The following ERC2 variants were observed in gnomAD, a reference collection of about 807,000 sequenced individuals.
ERC2 encodes the protein ERC protein 2.
In ERC2, 42 loss-of-function variants were observed where a neutral mutation model predicts 114.8. That is an observed-to-expected ratio of 0.37 (90% CI 0.29 to 0.47). The LOEUF (loss-of-function observed/expected upper bound fraction) is 0.47, where lower values mean the gene tolerates loss of function less well. ERC2 is among the 20% of genes least tolerant of loss of function. The pLI, the probability that ERC2 is intolerant of heterozygous loss-of-function variation, is 0.99. For synonymous variants in ERC2, 454 were observed against 425.5 expected (o/e 1.07, Z -0.82); for missense variants, 939 against 1,150.7 (o/e 0.82, Z 2.66).
chr3:56,417,209 A>AT (rs1576856874), intron 2 of ERC2, among the ~76,000 whole-genome samples: 1 of 152,306 alleles, frequency 6.6e-6, no homozygotes, highest in East Asian at 1.9e-4. Flanking sequence ...TTTGGGCAAC[A>AT]TAAGCGTCTG....
At chr3:55,905,932 T>A (rs1393673626) in intron 13 of ERC2, among the ~76,000 whole-genome samples, 1 of 152,180 alleles carries the variant, frequency 6.6e-6, no homozygotes, top group African/African-American at 2.4e-5. Context: ...GTATTCTTCA[T>A]CTCAGCTCCA....
chr3:56,448,494 G>A (rs2062681976), intron 1 of ERC2, among the ~76,000 whole-genome samples: 1 of 152,056 alleles, frequency 6.6e-6, no homozygotes, highest in Non-Finnish European at 1.5e-5. Flanking sequence ...AGGAAGGCCT[G>A]CCCCCCACAC....
chr3:55,970,881 T>G (rs904785976), intron 12 of ERC2, among the ~76,000 whole-genome samples: 2 of 152,140 alleles, frequency 1.3e-5, no homozygotes, highest in African/African-American at 2.4e-5. Flanking sequence ...AACAACAACT[T>G]GCACATGAAT....
At chr3:55,511,916 C>G (rs2052096476) in intron 17 of ERC2, among the ~76,000 whole-genome samples, 1 of 152,202 alleles carries the variant, frequency 6.6e-6, no homozygotes, top group Admixed American at 6.5e-5. Context: ...GGGATCCCTC[C>G]CACACTACTG....
intron 3 of ERC2, among the ~76,000 whole-genome samples, chr3:56,281,087 C>T (rs12638786): frequency 0.35 from 53,471 of 152,020 alleles, 10,264 homozygotes; most frequent in Middle Eastern, 0.45. Flanking sequence ...ATTGTAATTC[C>T]TTCCCCAGTC....
At chr3:56,060,834 C>T (rs1162952628) in intron 7 of ERC2, among the ~76,000 whole-genome samples, 1 of 152,186 alleles carries the variant, frequency 6.6e-6, no homozygotes, top group Admixed American at 6.5e-5. Context: ...CCTGCCCCTA[C>T]TGCCCCCAAA....
At chr3:55,941,972 CTAATTTTATA>C (rs1462677952) in intron 13 of ERC2, among the ~76,000 whole-genome samples, 1 of 152,100 alleles carries the variant, frequency 6.6e-6, no homozygotes, top group African/African-American at 2.4e-5. Flanking sequence ...CAATAACTAA[CTAATTTTATA>C]TAATTTTAGA....
At chr3:56,355,994 G>A (rs151101314) in intron 2 of ERC2, among the ~76,000 whole-genome samples, 331 of 152,260 alleles carry the variant, frequency 2.2e-3, no homozygotes, top group African/African-American at 7.4e-3. Flanking sequence ...ACAGAAGCCC[G>A]GTGAATCAGA....
At chr3:55,742,381 A>G (rs1194489721) in intron 14 of ERC2, among the ~76,000 whole-genome samples, 5 of 152,226 alleles carry the variant, frequency 3.3e-5, no homozygotes, top group Admixed American at 3.3e-4. Context: ...CAAATGAGGC[A>G]GGCCAATTAG....
intron 3 of ERC2, among the ~76,000 whole-genome samples, chr3:56,251,409 G>A (rs1444252303): frequency 1.3e-5 from 2 of 152,126 alleles, no homozygotes; most frequent in East Asian, 1.9e-4. Context: ...ATTGTAAAAT[G>A]TTACCAGAAT....
intron 8 of ERC2, among the ~76,000 whole-genome samples, chr3:56,011,170 G>A (rs1444458059): frequency 6.6e-6 from 1 of 152,236 alleles, no homozygotes; most frequent in Non-Finnish European, 1.5e-5. Flanking sequence ...GTGTGTCTGA[G>A]GATGTTTACT....
At chr3:55,960,480 T>C (rs1438686218) in intron 12 of ERC2, among the ~76,000 whole-genome samples, 1 of 152,206 alleles carries the variant, frequency 6.6e-6, no homozygotes, top group Non-Finnish European at 1.5e-5. Context: ...AGGCCCTTTT[T>C]TGGGCATCAA....
intron 17 of ERC2, among the ~76,000 whole-genome samples, chr3:55,564,204 G>C (rs912434014): frequency 6.6e-6 from 1 of 152,142 alleles, no homozygotes; most frequent in African/African-American, 2.4e-5. Flanking sequence ...GGAGAGATCT[G>C]TTATTATTTG....
chr3:55,594,799 G>C (rs1287764221), intron 17 of ERC2, among the ~76,000 whole-genome samples: 1 of 152,110 alleles, frequency 6.6e-6, no homozygotes, highest in African/African-American at 2.4e-5. Flanking sequence ...GGTAGTTACA[G>C]ATAACTCTGC....
intron 3 of ERC2, among the ~76,000 whole-genome samples, chr3:56,264,775 AT>A (rs1398866305): frequency 3.9e-5 from 6 of 151,936 alleles, no homozygotes; most frequent in African/African-American, 7.2e-5. Flanking sequence ...GATAAAAAAA[AT>A]CAACATACAA....
intron 12 of ERC2, among the ~76,000 whole-genome samples, chr3:55,963,266 C>G (rs992328995): frequency 1.3e-4 from 20 of 152,248 alleles, no homozygotes; most frequent in African/African-American, 4.8e-4. Flanking sequence ...TGGATATAGC[C>G]CCAAAAGCAG....
intron 2 of ERC2, among the ~76,000 whole-genome samples, chr3:56,341,807 C>T (rs2058100276): frequency 6.6e-6 from 1 of 152,142 alleles, no homozygotes; most frequent in Non-Finnish European, 1.5e-5. Flanking sequence ...CCTGAAAACA[C>T]AGGGTAAACC....
intron 4 of ERC2, among the ~76,000 whole-genome samples, chr3:56,155,363 GAAA>G (rs201714845): frequency 4.0e-5 from 3 of 74,996 alleles, no homozygotes; most frequent in Admixed American, 1.4e-4. Flanking sequence ...TAAGGAAAAT[GAAA>G]AAAAAAAAAA....
rs1467254179 is a variant in ERC2 at position 55,734,714 on chromosome 3, GAAAGCCCCC to G, written c.2712+48_2712+56del. The G allele has an allele frequency of 4.5e-6, 7 of 1,554,338 alleles. No individual in the cohort carries two copies. The East Asian group carries it at 1.4e-4, about 30-fold the overall frequency. ...AAATGAAGAGTGGCTAAAATCCAGA[GAAAGCCCCC>G]AAAGCCCCAAACCCAGAAAAACACA... On this transcript the variant is annotated intron_variant, in intron 15 of 17. Coordinates refer to ENST00000288221, the MANE Select transcript of ERC2 (RefSeq NM_015576.3).
Sources: allele counts gnomAD v4.1 joint callset (sites outside exome capture counted in the v4.1 genomes callset), GRCh38; gene constraint gnomAD v4.1.1; transcripts MANE v1.5; gene names NCBI Gene and HGNC (gene_info 2026-07-23, HGNC 2026-07-21).